UPF1: variants seen among roughly 807,000 people sequenced by gnomAD.
The protein encoded by UPF1 is regulator of nonsense transcripts 1.
In UPF1, 9 loss-of-function variants were observed where a neutral mutation model predicts 129.2. The observed-to-expected ratio is 0.07, with a 90% confidence interval of 0.04 to 0.12. The LOEUF (loss-of-function observed/expected upper bound fraction) is 0.12, where lower values mean the gene tolerates loss of function less well. Among genes scored for constraint, UPF1 ranks in the 10% least tolerant of loss-of-function variants. The pLI is 1.00. For missense variants in UPF1, 788 were observed against 1,525.3 expected (o/e 0.52, Z 8.05); for synonymous variants, 649 against 644.9 (o/e 1.01, Z -0.10).
chr19:18,841,105 C>T (rs938229742), intron 1 of UPF1, among the ~76,000 whole-genome samples: 1 of 152,268 alleles, frequency 6.6e-6, no homozygotes, highest in Admixed American at 6.5e-5. Context: ...TACGGGGATC[C>T]ATGCGCATAG....
At chr19:18,845,272 A>G (rs2055585500) in intron 1 of UPF1, among the ~76,000 whole-genome samples, 1 of 152,128 alleles carries the variant, frequency 6.6e-6, no homozygotes, top group Non-Finnish European at 1.5e-5. Flanking sequence ...CATGCCAGGG[A>G]CTGTTGGCCA....
In UPF1 at chr19:18,853,653, G is replaced by T. The variant is rs2055684382; in HGVS notation, c.1156+303G>T. Among the ~76,000 whole-genome samples the T allele has an allele frequency of 6.6e-6, 1 of 152,192 alleles. No individual in the cohort carries two copies. Among genetic ancestry groups the T allele is most frequent in the African/African-American group, 2.4e-5 (1 of 41,436 alleles). On this transcript the variant is annotated intron_variant, in intron 8 of 23. Transcript: ENST00000262803. This position sits in a 1 kb window ranked among gnomAD's most constrained non-coding sequence, Gnocchi z 4.4. ...TATGCCGCTTGTGTGGCACGTCCCTGGACTGACTCTGGAGGTTAATGTGGC... is the reference window on the plus strand; with the variant it reads ...TATGCCGCTTGTGTGGCACGTCCCTTGACTGACTCTGGAGGTTAATGTGGC...
intron 1 of UPF1, among the ~76,000 whole-genome samples, chr19:18,833,903 A>G (rs1241699133): frequency 3.3e-5 from 5 of 152,118 alleles, no homozygotes; most frequent in Admixed American, 1.3e-4. Context: ...GAAGCAAAAA[A>G]CATTTGACTC....
intron 1 of UPF1, among the ~76,000 whole-genome samples, chr19:18,844,428 A>G (rs914350103): frequency 6.6e-6 from 1 of 151,532 alleles, no homozygotes; most frequent in African/African-American, 2.4e-5. Context: ...GGTTCAAGCA[A>G]TTCTCCTGTC....
intron 1 of UPF1, among the ~76,000 whole-genome samples, chr19:18,845,460 C>T (rs1164698327): frequency 6.6e-6 from 1 of 152,154 alleles, no homozygotes; most frequent in Non-Finnish European, 1.5e-5. Context: ...CCAAGGGTAT[C>T]TCAGTGTTCA....
chr19:18,832,564 G>A lies in UPF1; in HGVS notation c.231+124G>A. ...CCCCCATCGCGGCCGGGCCTGGGGCGATCTGCCCCGGGTCCCCTACTCTGG... is the reference window on the plus strand; with the variant it reads ...CCCCCATCGCGGCCGGGCCTGGGGCAATCTGCCCCGGGTCCCCTACTCTGG... On this transcript the variant is annotated intron_variant, in intron 1 of 23. Transcript: ENST00000262803. This position sits in a 1 kb window ranked among gnomAD's most constrained non-coding sequence, Gnocchi z 5.6. The A allele has an allele frequency of 1.4e-6, 1 of 693,278 alleles. No individual in the cohort carries two copies. The highest frequency in any genetic ancestry group is 1.8e-6 in the Non-Finnish European group (1 of 562,754). The allele number at this position is 693,278 out of a possible 1,614,324, so 42.9% of individuals were successfully genotyped here.
chr19:18,850,342 G>T lies in UPF1; in HGVS notation c.629+100G>T. The T allele has an allele frequency of 6.9e-7, 1 of 1,454,376 alleles. No homozygotes were observed. 90.1% of individuals were successfully genotyped at this position (1,454,376 alleles called of 1,614,324 possible). A position where few individuals can be genotyped will look rare whatever the true frequency, so the allele number is the denominator to read the frequency against. On this transcript the variant is annotated intron_variant, in intron 4 of 23. Transcript: ENST00000262803. This position sits in a 1 kb window ranked among gnomAD's most constrained non-coding sequence, Gnocchi z 7.1. ...CAGCCCAGCCGTGGCTCTAACTCCAGGGAGTTGTCCTCCAAAGATGGTTTT... is the reference window on the plus strand; with the variant it reads ...CAGCCCAGCCGTGGCTCTAACTCCATGGAGTTGTCCTCCAAAGATGGTTTT...
Position 18,850,924 on chromosome 19 carries a change from G to A in UPF1, c.810+56G>A. ...TTCGTGTGGTTTCTGGTTGCGGGGAGGGGAGTGTCTTCAGAGACGGCTTGA... is the reference window on the plus strand; with the variant it reads ...TTCGTGTGGTTTCTGGTTGCGGGGAAGGGAGTGTCTTCAGAGACGGCTTGA... On this transcript the variant is annotated intron_variant, in intron 5 of 23. Transcript: ENST00000262803. The surrounding 1 kb of genome is among the most constrained non-coding windows in gnomAD (Gnocchi z 7.1). The A allele has an allele frequency of 2.0e-6, 3 of 1,470,944 alleles. No homozygotes were observed. Among genetic ancestry groups the A allele is most frequent in the Non-Finnish European group, 9.0e-7 (1 of 1,106,134 alleles). 91.1% of individuals were successfully genotyped at this position (1,470,944 alleles called of 1,614,324 possible). A position where few individuals can be genotyped will look rare whatever the true frequency, so the allele number is the denominator to read the frequency against.
chr19:18,853,277 G>A lies in UPF1; in HGVS notation c.1083G>A (p.Glu361=). The A allele has an allele frequency of 1.2e-6, 2 of 1,613,294 alleles. No individual in the cohort carries two copies. Among genetic ancestry groups the A allele is most frequent in the Non-Finnish European group, 1.7e-6 (2 of 1,179,496 alleles). Residue 361 remains glutamate (E), a synonymous_variant, in exon 8 of 24, where the codon GAG becomes GAA. Coordinates refer to ENST00000262803, the MANE Select transcript of UPF1 (RefSeq NM_002911.4). The surrounding 1 kb of genome is among the most constrained non-coding windows in gnomAD (Gnocchi z 4.4). ...DSDMRLMQGD[E]ICLRYKGDLA... is the part of the protein sequence containing the mutation. Reference sequence around the variant, plus strand: ...ACATGCGGCTCATGCAGGGGGATGAGATATGCCTGCGGTACAAAGGGGACC... The same window carrying A: ...ACATGCGGCTCATGCAGGGGGATGAAATATGCCTGCGGTACAAAGGGGACC...
In UPF1 at chr19:18,856,732, A is replaced by G. The variant is rs931885239; in HGVS notation, c.1825-145A>G. 8.2e-6 allele frequency: 10 copies of G among 1,223,364 alleles called. No individual in the cohort carries two copies. The Admixed American group carries it at 2.7e-4, about 33-fold the overall frequency. The allele number at this position is 1,223,364 out of a possible 1,614,324, so 75.8% of individuals were successfully genotyped here. ...GTAATCACCACAGCCTGGACCATGT[A>G]TCTTGTCTGGGAGGGACAGCTTGTT... is the stretch of plus-strand genomic sequence containing the variant. On this transcript the variant is annotated intron_variant, in intron 13 of 23. Coordinates refer to ENST00000262803, the MANE Select transcript of UPF1 (RefSeq NM_002911.4).
In UPF1 at chr19:18,832,900, A is replaced by G. The variant is rs1313441917; in HGVS notation, c.231+460A>G. On this transcript the variant is annotated intron_variant, in intron 1 of 23. Coordinates refer to ENST00000262803, the MANE Select transcript of UPF1 (RefSeq NM_002911.4). The surrounding 1 kb of genome is among the most constrained non-coding windows in gnomAD (Gnocchi z 5.6). ...CTTCCATTCCATCCGGGCTAGGGTG[A>G]CCTGCCCTGGTCCCTCTTTCGCAGG... 6.6e-6 allele frequency among the ~76,000 whole-genome samples: 1 copy of G among 151,140 alleles called. No homozygotes were observed. The highest frequency in any genetic ancestry group is 1.5e-5 in the Non-Finnish European group (1 of 67,798).
chr19:18,851,231 G>C lies in UPF1; in HGVS notation c.810+363G>C, dbSNP rs2055655597. On this transcript the variant is annotated intron_variant, in intron 5 of 23. Transcript: ENST00000262803. The surrounding 1 kb of genome is among the most constrained non-coding windows in gnomAD (Gnocchi z 4.2). ...GACAGGTGGGCTGCGAGAATGTCCT[G>C]GGGAAATAGGTTGGTGTCGAGGTCG... 5.7e-6 allele frequency: 1 copy of C among 175,962 alleles called. No individual in the cohort carries two copies. The highest frequency in any genetic ancestry group is 5.9e-5 in the Admixed American group (1 of 16,956). The allele number at this position is 175,962 out of a possible 1,614,324, so 10.9% of individuals were successfully genotyped here.
chr19:18,852,428 TGGAACTTGCGGATCC>T (rs1216838546), intron 6 of UPF1, 132 bp downstream of exon 6: 3 of 1,363,502 alleles, frequency 2.2e-6, no homozygotes, highest in Non-Finnish European at 3.0e-6. Flanking sequence ...ACCTGAGAGT[TGGAACTTGCGGATCC>T]GGGCCTGGCA....
chr19:18,865,804 TAC>T lies in UPF1; in HGVS notation c.3237+27_3237+28del. 1 of 1,611,108 alleles carries T rather than the reference TAC, an allele frequency of 6.2e-7. No individual in the cohort carries two copies. Among genetic ancestry groups the T allele is most frequent in the Non-Finnish European group, 8.5e-7 (1 of 1,179,688 alleles). The stretch of plus-strand genomic sequence containing the variant: ...GTGAGCCCGCCCCTGGGACGGGACT[TAC>T]CTGAGTGAGGGTGGGGCTATGCACC... On this transcript the variant is annotated intron_variant, in intron 22 of 23. Coordinates refer to ENST00000262803, the MANE Select transcript of UPF1 (RefSeq NM_002911.4). The surrounding 1 kb of genome is among the most constrained non-coding windows in gnomAD (Gnocchi z 6.1).
chr19:18,860,518 A>C, intron 16 of UPF1, 80 bp downstream of exon 16: 1 of 1,413,290 alleles, frequency 7.1e-7, no homozygotes, highest in Non-Finnish European at 9.9e-7. Context: ...ACTTATTTTT[A>C]ACATGGGACT....
At chr19:18,835,902 C>A (rs1049949267) in intron 1 of UPF1, among the ~76,000 whole-genome samples, 3 of 152,210 alleles carry the variant, frequency 2.0e-5, no homozygotes, top group Non-Finnish European at 4.4e-5. Context: ...TAGCCACTTT[C>A]CATACCAACC....
Position 18,857,023 on chromosome 19 carries a change from G to A in UPF1, c.1968+3G>A, listed in dbSNP as rs754477619. On this transcript the variant is annotated splice_donor_region_variant and intron_variant, in intron 14 of 23. Coordinates refer to ENST00000262803, the MANE Select transcript of UPF1 (RefSeq NM_002911.4). Reference sequence around the variant, plus strand: ...CCGTGGTCCTCGGGGCCAAGCAGGTGGGCTGCCTCCCCTGCCCTCCTGTGT... The same window carrying A: ...CCGTGGTCCTCGGGGCCAAGCAGGTAGGCTGCCTCCCCTGCCCTCCTGTGT... 2.5e-6 allele frequency: 4 copies of A among 1,607,582 alleles called. No homozygotes were observed. The African/African-American group carries it at 5.4e-5, about 22-fold the overall frequency.
intron 1 of UPF1, among the ~76,000 whole-genome samples, chr19:18,845,530 GT>G (rs1288158288): frequency 1.3e-5 from 2 of 152,214 alleles, no homozygotes; most frequent in Non-Finnish European, 2.9e-5. Context: ...TGAGGTGGCA[GT>G]GGATGTGGCC....
In UPF1 at chr19:18,832,151, C is replaced by CGCG; in HGVS notation, c.-51_-49dup. 6.9e-7 allele frequency: 1 copy of CGCG among 1,453,612 alleles called. No individual in the cohort carries two copies. The highest frequency in any genetic ancestry group is 2.3e-5 in the Admixed American group (1 of 43,832). 90.0% of individuals were successfully genotyped at this position (1,453,612 alleles called of 1,614,324 possible). The stretch of plus-strand genomic sequence containing the variant: ...CCGAGGCCTGCGGCCTAGGCCTCAG[C>CGCG]GCGGCGGCGGGCTCGAGTGCAGCGC... On this transcript the variant is annotated 5_prime_UTR_variant, in exon 1 of 24. Transcript: ENST00000262803. This position sits in a 1 kb window ranked among gnomAD's most constrained non-coding sequence, Gnocchi z 5.6.
Sources: allele counts gnomAD v4.1 joint callset (sites outside exome capture counted in the v4.1 genomes callset), GRCh38; gene constraint gnomAD v4.1.1; non-coding constraint Gnocchi (gnomAD v3.1); transcripts MANE v1.5; gene names NCBI Gene and HGNC (gene_info 2026-07-23, HGNC 2026-07-21).